Variants in TBCD observed in about 807,000 individuals in gnomAD.
TBCD encodes tubulin-specific chaperone D.
In TBCD, 105 loss-of-function variants were observed where a neutral mutation model predicts 169.3. The observed-to-expected ratio is 0.62, with a 90% CI of 0.53 to 0.73. The LOEUF is 0.73. TBCD is among the 30% of genes least tolerant of loss of function. TBCD has a pLI of 0.00. For missense variants in TBCD, 1,444 were observed against 1,600.1 expected, an observed-to-expected ratio of 0.90 and a Z score of 1.66; for synonymous variants, 700 against 643.9, an observed-to-expected ratio of 1.09 and a Z score of -1.32.
At chr17:82,925,599 C>T (rs2061676307) in intron 27 of TBCD, among the ~76,000 whole-genome samples, 1 of 152,200 alleles carries the variant, frequency 6.6e-6, no homozygotes, top group Non-Finnish European at 1.5e-5. Flanking sequence ...CCACTGGGTT[C>T]CCCACGCCCT....
At chr17:82,939,529 C>A in intron 37 of TBCD, 53 bp downstream of exon 37, 1 of 1,395,244 alleles carries the variant, frequency 7.2e-7, no homozygotes, top group South Asian at 1.2e-5. Flanking sequence ...CGCCCCTCTT[C>A]CTGTCCCCAC....
At chr17:82,769,031 C>G (rs1441688599) in intron 5 of TBCD, among the ~76,000 whole-genome samples, 1 of 152,182 alleles carries the variant, frequency 6.6e-6, no homozygotes, top group Non-Finnish European at 1.5e-5. Context: ...CATATAAACA[C>G]AGCTTATTGT....
At chr17:82,817,643 C>CT (rs2052037987) in intron 13 of TBCD, among the ~76,000 whole-genome samples, 1 of 152,100 alleles carries the variant, frequency 6.6e-6, no homozygotes, top group Non-Finnish European at 1.5e-5. Flanking sequence ...ATGGGGGTCT[C>CT]ACTATGTGGC....
At chr17:82,775,764 A>C in intron 6 of TBCD, among the ~76,000 whole-genome samples, 2 of 117,264 alleles carry the variant, frequency 1.7e-5, no homozygotes, top group African/African-American at 3.2e-5. Context: ...GGGGGGAGGG[A>C]TAGCATTGGG....
intron 7 of TBCD, among the ~76,000 whole-genome samples, chr17:82,794,259 G>T (rs541699788): frequency 8.5e-5 from 13 of 152,264 alleles, no homozygotes; most frequent in African/African-American, 1.7e-4. Flanking sequence ...TGCCCCAGGG[G>T]GGGGAAGCTG....
At chr17:82,779,721 A>C (rs1171402465) in intron 6 of TBCD, among the ~76,000 whole-genome samples, 1 of 152,158 alleles carries the variant, frequency 6.6e-6, no homozygotes, top group Non-Finnish European at 1.5e-5. Flanking sequence ...TGCTGGAACA[A>C]GGGCCGGGAA....
intron 16 of TBCD, among the ~76,000 whole-genome samples, chr17:82,892,835 G>GA (rs1330892497): frequency 6.6e-6 from 1 of 152,172 alleles, no homozygotes; most frequent in Non-Finnish European, 1.5e-5. Flanking sequence ...TCACATCCTG[G>GA]AACCTGAGAG....
rs187745146 is a variant in TBCD, at chr17:82,923,270, A to C, written c.2179-382A>C. Among the ~76,000 whole-genome samples the C allele has an allele frequency of 2.8e-4, 42 of 152,330 alleles. 1 individual carries two copies. The highest frequency in any genetic ancestry group is 2.7e-3 in the Admixed American group (42 of 15,300). On this transcript the variant is annotated intron_variant, in intron 25 of 38. Coordinates refer to ENST00000355528, the MANE Select transcript of TBCD (RefSeq NM_005993.5). The surrounding 1 kb of genome is among the most constrained non-coding windows in gnomAD (Gnocchi z 4.6). ...AATCAGGTTATCCATTCAGTTTCTT[A>C]GTTGTAGTGGTAGTAAAGTGATGCG...
At chr17:82,918,089 G>A (rs2061179193) in intron 23 of TBCD, among the ~76,000 whole-genome samples, 1 of 152,184 alleles carries the variant, frequency 6.6e-6, no homozygotes, top group Non-Finnish European at 1.5e-5. Context: ...ATAGAGCCTG[G>A]CTGTGCTTCC....
At position 82,864,912 on chromosome 17, in the gene TBCD, C is replaced by T. The variant is rs1599034113; in HGVS notation, c.1319-5312C>T. Among the ~76,000 whole-genome samples the T allele has an allele frequency of 6.6e-6, 1 of 151,254 alleles. No homozygotes were observed. Among genetic ancestry groups the T allele is most frequent in the Admixed American group, 6.6e-5 (1 of 15,224 alleles). ...ACTCCCTGGGGCACCGTGGGGACAGCGGGGGCCTGCTTGTGTTGGGGGTGG... is the reference window on the plus strand; with the variant it reads ...ACTCCCTGGGGCACCGTGGGGACAGTGGGGGCCTGCTTGTGTTGGGGGTGG... On this transcript the variant is annotated intron_variant, in intron 13 of 38. Transcript: ENST00000355528. The surrounding 1 kb of genome is among the most constrained non-coding windows in gnomAD (Gnocchi z 6.3).
chr17:82,853,238 C>A (rs1036029338), intron 13 of TBCD, among the ~76,000 whole-genome samples: 5 of 152,070 alleles, frequency 3.3e-5, no homozygotes, highest in Admixed American at 6.6e-5. Context: ...TGCCACCACG[C>A]CCAGCTAATT....
At chr17:82,879,520 C>T (rs1473316925) in intron 14 of TBCD, among the ~76,000 whole-genome samples, 3 of 152,168 alleles carry the variant, frequency 2.0e-5, no homozygotes, top group African/African-American at 7.2e-5. Context: ...GCCAGGCCAT[C>T]GCTCGGGTGA....
chr17:82,825,685 C>T (rs1297277273), intron 13 of TBCD, among the ~76,000 whole-genome samples: 1 of 152,212 alleles, frequency 6.6e-6, no homozygotes, highest in Non-Finnish European at 1.5e-5. Flanking sequence ...TTATAGAACT[C>T]TAACCAGTTG....
chr17:82,754,554 C>T (rs1409002531), intron 1 of TBCD, among the ~76,000 whole-genome samples: 1 of 152,236 alleles, frequency 6.6e-6, no homozygotes, highest in Non-Finnish European at 1.5e-5. Context: ...CTCTCCTCCT[C>T]CTAGCCTGGT....
Position 82,830,599 on chromosome 17 carries a change from G to T in TBCD, c.1318+15665G>T, listed in dbSNP as rs749230151. ...AGCAGCAGCAGGTTCTGCAGCTCGT[G>T]GTCGACCGGGGAAGGCAGGCCTCGG... On this transcript the variant is annotated intron_variant, in intron 13 of 38. Coordinates refer to ENST00000355528, the MANE Select transcript of TBCD (RefSeq NM_005993.5). 3.6e-5 allele frequency: 58 copies of T among 1,613,948 alleles called. No individual in the cohort carries two copies. The highest frequency in any genetic ancestry group is 3.0e-4 in the Admixed American group (18 of 59,998).
At chr17:82,911,316 T>C (rs1419727293) in intron 22 of TBCD, among the ~76,000 whole-genome samples, 1 of 152,212 alleles carries the variant, frequency 6.6e-6, no homozygotes, top group Non-Finnish European at 1.5e-5. Context: ...AGGGTCCCGC[T>C]GTCAGCGCCA....
chr17:82,855,991 CA>C (rs373774807), intron 13 of TBCD, among the ~76,000 whole-genome samples: 31 of 128,058 alleles, frequency 2.4e-4, no homozygotes, highest in Middle Eastern at 3.9e-3. Context: ...ACTCCCCCCC[CA>C]CTTTTTTTTT....
chr17:82,792,284 G>A (rs1444471309), intron 7 of TBCD, among the ~76,000 whole-genome samples: 1 of 151,090 alleles, frequency 6.6e-6, no homozygotes, highest in East Asian at 1.9e-4. Context: ...TTCCAGCCTG[G>A]GTGACAGAGC....
rs528605521 is a variant in TBCD at position 82,873,708 on chromosome 17, G to A, written c.1475+3328G>A. On this transcript the variant is annotated intron_variant, in intron 14 of 38. Coordinates refer to ENST00000355528, the MANE Select transcript of TBCD (RefSeq NM_005993.5). The stretch of plus-strand genomic sequence containing the variant: ...AACCTGCCGATGCGCGGGGAGCCTG[G>A]CCTTGGTCTGGGTGTGGAGGGCTGG... Among the ~76,000 whole-genome samples the A allele has an allele frequency of 1.9e-3, 291 of 152,312 alleles. 3 individuals are homozygous for A. The highest frequency in any genetic ancestry group is 6.9e-3 in the African/African-American group (285 of 41,578).
Sources: gnomAD v4.1 joint callset for allele counts (sites outside exome capture counted in the v4.1 genomes callset) on GRCh38, gnomAD v4.1.1 for gene constraint, Gnocchi (gnomAD v3.1) non-coding constraint, MANE v1.5 for transcripts, NCBI Gene and HGNC (gene_info 2026-07-23, HGNC 2026-07-21) for gene names.